The following RREB1 variants were observed in gnomAD, a reference collection of about 807,000 sequenced individuals.
The protein encoded by RREB1 is ras-responsive element-binding protein 1.
Under a neutral mutation model 117.8 loss-of-function variants are expected in RREB1, and 27 were observed. The ratio of observed to expected loss-of-function variants is 0.23; its 90% CI spans 0.17 to 0.32. The LOEUF (loss-of-function observed/expected upper bound fraction) is 0.32, where lower values mean the gene tolerates loss of function less well. Among genes scored for constraint, RREB1 ranks in the 10% least tolerant of loss-of-function variants. The pLI, the probability that RREB1 is intolerant of heterozygous loss-of-function variation, is 1.00. For missense variants in RREB1, 2,577 were observed against 2,378.2 expected, an observed-to-expected ratio of 1.08 and a Z score of -1.74; for synonymous variants, 1,298 against 1,026.7, an observed-to-expected ratio of 1.26 and a Z score of -5.05.
chr6:7,202,771 C>T (rs553181602), intron 6 of RREB1, among the ~76,000 whole-genome samples: 107 of 152,208 alleles, frequency 7.0e-4, no homozygotes, highest in African/African-American at 2.4e-3. Flanking sequence ...AAGGCCTGTC[C>T]GTGGGAAATG....
chr6:7,174,236 C>T (rs1240112965), intron 1 of RREB1, among the ~76,000 whole-genome samples: 1 of 147,140 alleles, frequency 6.8e-6, no homozygotes, highest in Non-Finnish European at 1.5e-5. Context: ...TGTACTTTTC[C>T]GCTCTTCAAG....
intron 1 of RREB1, among the ~76,000 whole-genome samples, chr6:7,126,414 A>G (rs1761933545): frequency 6.6e-6 from 1 of 152,170 alleles, no homozygotes; most frequent in Non-Finnish European, 1.5e-5. Flanking sequence ...GATTACAGGC[A>G]CACGCCACCA....
At chr6:7,180,708 G>C (rs994695547) in intron 2 of RREB1, among the ~76,000 whole-genome samples, 15 of 152,224 alleles carry the variant, frequency 9.9e-5, no homozygotes, top group African/African-American at 3.4e-4. Flanking sequence ...TGTCCTGAGA[G>C]TGTCTAAACT....
rs115374113 is a variant in RREB1, at chr6:7,229,316, G to A, written c.1217G>A (p.Cys406Tyr). 1.4e-4 allele frequency: 221 copies of A among 1,614,174 alleles called. No homozygotes were observed. In the African/African-American group the frequency reaches 2.5e-3, roughly 18 times the overall value. Reference protein sequence around the residue: ...LKCQLPQDPGCTNLLSLSPFE... With the variant: ...LKCQLPQDPGYTNLLSLSPFE... ...TGTCAGCTACCTCAGGACCCCGGCT[G>A]CACCAACCTGCTGAGCCTGTCACCT... Residue 406 changes from cysteine to tyrosine, a missense_variant, in exon 10 of 13, where the codon TGC becomes TAC. Physicochemically the swap from Cys to Tyr is radical, Grantham distance 194. Transcript: ENST00000379938. This position sits in a 1 kb window ranked among gnomAD's most constrained non-coding sequence, Gnocchi z 4.5.
At chr6:7,212,419 T>TTC (rs753856411) in intron 8 of RREB1, 7 of 152,252 alleles carry the variant, frequency 4.6e-5, no homozygotes, top group Non-Finnish European at 8.8e-5. Context: ...TTTCTTTACC[T>TTC]TCTCTGATAA....
chr6:7,117,613 T>G (rs985708818), intron 1 of RREB1, among the ~76,000 whole-genome samples: 2 of 152,042 alleles, frequency 1.3e-5, no homozygotes, highest in Non-Finnish European at 2.9e-5. Context: ...TTCACCATGT[T>G]GGCCAGGCTG....
intron 10 of RREB1, among the ~76,000 whole-genome samples, 153 bp from the exon 11 acceptor site, chr6:7,240,285 T>G (rs1252438479): frequency 1.4e-5 from 2 of 146,150 alleles, no homozygotes; most frequent in Admixed American, 6.8e-5. Flanking sequence ...TCATTGATGG[T>G]TTTTTTTTTT....
At chr6:7,115,144 G>A (rs1581400258) in intron 1 of RREB1, among the ~76,000 whole-genome samples, 1 of 152,170 alleles carries the variant, frequency 6.6e-6, no homozygotes, top group Admixed American at 6.5e-5. Flanking sequence ...TGAGCCGGGT[G>A]CTCTGTCCAT....
At chr6:7,131,102 C>T (rs1389795783) in intron 1 of RREB1, among the ~76,000 whole-genome samples, 9 of 151,448 alleles carry the variant, frequency 5.9e-5, no homozygotes, top group Admixed American at 5.3e-4. Flanking sequence ...CTGCGCCCGG[C>T]TAATTTTTTG....
chr6:7,180,203 A>C (rs980135741), intron 2 of RREB1, among the ~76,000 whole-genome samples: 7 of 152,244 alleles, frequency 4.6e-5, no homozygotes, highest in Non-Finnish European at 8.8e-5. Flanking sequence ...GGTACATTTT[A>C]TCTCTTTACA....
chr6:7,207,837 G>T (rs1766363931), intron 6 of RREB1, among the ~76,000 whole-genome samples: 1 of 152,182 alleles, frequency 6.6e-6, no homozygotes, highest in African/African-American at 2.4e-5. Flanking sequence ...ATGAGAACAT[G>T]GACTGATGTT....
At chr6:7,156,558 G>GA (rs921876990) in intron 1 of RREB1, among the ~76,000 whole-genome samples, 51 of 152,222 alleles carry the variant, frequency 3.4e-4, no homozygotes, top group African/African-American at 1.2e-3. Context: ...AATTCACCCT[G>GA]AAAAAAATGT....
At chr6:7,181,015 C>T (rs1764767824) in intron 2 of RREB1, 109 bp from the exon 3 acceptor site, 1 of 393,926 alleles carries the variant, frequency 2.5e-6, no homozygotes, top group Admixed American at 4.4e-5. Flanking sequence ...ATTTGTGCTC[C>T]TTGCATTGTT....
chr6:7,244,780 A>G (rs544296589), intron 11 of RREB1, among the ~76,000 whole-genome samples: 16 of 152,208 alleles, frequency 1.1e-4, no homozygotes, highest in Non-Finnish European at 2.1e-4. Context: ...TAAAGCCTAA[A>G]GCCCCAAGCA....
intron 9 of RREB1, among the ~76,000 whole-genome samples, chr6:7,227,917 A>G (rs1767681916): frequency 6.6e-6 from 1 of 152,160 alleles, no homozygotes; most frequent in South Asian, 2.1e-4. Flanking sequence ...AGTATAAAAA[A>G]TTAGCTGGGC....
intron 1 of RREB1, among the ~76,000 whole-genome samples, chr6:7,143,780 T>TTAGA (rs1337897486): frequency 6.6e-6 from 1 of 152,132 alleles, no homozygotes; most frequent in Non-Finnish European, 1.5e-5. Flanking sequence ...AGCACAACTG[T>TTAGA]TAGATACAAC....
chr6:7,176,139 A>G (rs1296498323), intron 1 of RREB1, among the ~76,000 whole-genome samples: 1 of 151,740 alleles, frequency 6.6e-6, no homozygotes, highest in African/African-American at 2.4e-5. Flanking sequence ...CTGGTCTCGA[A>G]CTCCTGAGCT....
intron 6 of RREB1, among the ~76,000 whole-genome samples, chr6:7,194,448 G>C (rs1381565738): frequency 1.3e-5 from 2 of 152,162 alleles, no homozygotes; most frequent in African/African-American, 2.4e-5. Context: ...CTCCTCAGGA[G>C]GCTGAGGCAC....
chr6:7,240,404 G>A (rs1489279879), intron 10 of RREB1, 34 bp from the exon 11 acceptor site: 28 of 1,577,280 alleles, frequency 1.8e-5, no homozygotes, highest in Non-Finnish European at 2.3e-5. Context: ...GCAGTAGAAA[G>A]CCAGATAAAT....
Sources: allele counts gnomAD v4.1 joint callset (sites outside exome capture counted in the v4.1 genomes callset), GRCh38; gene constraint gnomAD v4.1.1; non-coding constraint Gnocchi (gnomAD v3.1); transcripts MANE v1.5; gene names NCBI Gene and HGNC (gene_info 2026-07-23, HGNC 2026-07-21).